KALRN: variants seen among roughly 807,000 people sequenced by gnomAD.
The protein encoded by KALRN is kalirin.
In KALRN, 70 loss-of-function variants were observed where a neutral mutation model predicts 353.7. The ratio of observed to expected loss-of-function variants is 0.20; its 90% confidence interval spans 0.16 to 0.24. The LOEUF is 0.24. KALRN is among the 10% of genes least tolerant of loss of function. The pLI is 1.00. For missense variants in KALRN, 2,791 were observed against 3,756.7 expected (o/e 0.74, Z 6.72); for synonymous variants, 1,391 against 1,434.8 (o/e 0.97, Z 0.69).
chr3:124,664,360 TGTGTGTGTGTGCGCGC>T, intron 45 of KALRN, among the ~76,000 whole-genome samples: 2 of 123,908 alleles, frequency 1.6e-5, no homozygotes, highest in Middle Eastern at 8.3e-3. Flanking sequence ...TGTGTGTGTG[TGTGTGTGTGTGCGCGC>T]GCGCGCATAT....
chr3:124,297,695 G>T (rs776330877), intron 5 of KALRN, among the ~76,000 whole-genome samples: 3 of 152,240 alleles, frequency 2.0e-5, no homozygotes, highest in Non-Finnish European at 4.4e-5. Flanking sequence ...GAATATTACA[G>T]AAAGTCCAAC....
intron 5 of KALRN, among the ~76,000 whole-genome samples, chr3:124,278,328 G>T (rs192715212): frequency 6.6e-6 from 1 of 152,224 alleles, no homozygotes; most frequent in East Asian, 1.9e-4. Context: ...GGTGGGGTGA[G>T]TGTCTTAGTA....
chr3:124,654,069 A>G (rs1354355633), intron 38 of KALRN, among the ~76,000 whole-genome samples: 2 of 152,242 alleles, frequency 1.3e-5, no homozygotes, highest in Non-Finnish European at 2.9e-5. Context: ...GCCTGGAGAC[A>G]GAGAGCTGGA....
At chr3:124,569,268 T>G (rs1048194521) in intron 34 of KALRN, among the ~76,000 whole-genome samples, 20 of 152,198 alleles carry the variant, frequency 1.3e-4, no homozygotes, top group Non-Finnish European at 1.5e-4. Context: ...GAAGGCCTCC[T>G]GATGATTTCT....
chr3:124,669,805 T>G (rs2086157143), intron 47 of KALRN, among the ~76,000 whole-genome samples: 1 of 152,220 alleles, frequency 6.6e-6, no homozygotes, highest in Admixed American at 6.5e-5. Context: ...TACATCATCC[T>G]GTACTTTAAA....
chr3:124,510,650 G>C (rs1260123507), intron 33 of KALRN, among the ~76,000 whole-genome samples: 1 of 151,950 alleles, frequency 6.6e-6, no homozygotes, highest in South Asian at 2.1e-4. Flanking sequence ...ACAAGTTCTG[G>C]ATCTCCTTCT....
chr3:124,327,664 T>C (rs2080064071), intron 7 of KALRN, among the ~76,000 whole-genome samples: 1 of 152,222 alleles, frequency 6.6e-6, no homozygotes. Context: ...ACACAATCTA[T>C]GAGTAGATAG....
At chr3:124,222,488 A>G (rs182763067) in intron 1 of KALRN, among the ~76,000 whole-genome samples, 222 of 152,340 alleles carry the variant, frequency 1.5e-3, no homozygotes, top group African/African-American at 5.1e-3. Flanking sequence ...GCCAGGCTAC[A>G]GCATGCTTTT....
chr3:124,086,362 G>A (rs1290623898), intron 1 of KALRN, among the ~76,000 whole-genome samples: 2 of 136,358 alleles, frequency 1.5e-5, no homozygotes, highest in African/African-American at 5.4e-5. Context: ...TGTTTTTGCT[G>A]GGGGAAATCT....
At chr3:124,141,622 C>T (rs1290217087) in intron 1 of KALRN, among the ~76,000 whole-genome samples, 1 of 152,184 alleles carries the variant, frequency 6.6e-6, no homozygotes, top group Non-Finnish European at 1.5e-5. Context: ...TTAATTTTCA[C>T]ATTTTATCTC....
rs773582380 is a variant in KALRN at position 124,325,974 on chromosome 3, T to G, written c.1093-6T>G. On this transcript the variant is annotated splice_region_variant and splice_polypyrimidine_tract_variant and intron_variant, in intron 6 of 59. Coordinates refer to ENST00000682506, the MANE Select transcript of KALRN (RefSeq NM_001388419.1). ...GCCCCACTGAGCACTCTCCTTTTCT[T>G]TCCAGAATGCCTATGTCAACATCAA... 4 of 1,610,644 alleles carry G rather than the reference T, an allele frequency of 2.5e-6. No homozygotes were observed. Among genetic ancestry groups the G allele is most frequent in the Non-Finnish European group, 3.4e-6 (4 of 1,177,956 alleles).
At chr3:124,639,963 TG>T (rs1272456214) in intron 37 of KALRN, among the ~76,000 whole-genome samples, 1 of 152,200 alleles carries the variant, frequency 6.6e-6, no homozygotes, top group Admixed American at 6.5e-5. Flanking sequence ...TTCCCACATG[TG>T]GTAGCAATGT....
intron 34 of KALRN, among the ~76,000 whole-genome samples, chr3:124,582,773 G>GT (rs1561337411): frequency 6.5e-5 from 9 of 139,442 alleles, no homozygotes; most frequent in East Asian, 2.3e-4. Context: ...TTTTTTGGGG[G>GT]GGTTGAGCTG....
rs1052580187 is a variant in KALRN, at chr3:124,268,982, C to T, written c.696C>T (p.His232=). ...VEGSRRLIDE[H]TQLKKKVLKA... is the part of the protein sequence containing the mutation. Reference sequence around the variant, plus strand: ...GCTCTCGGCGGCTCATTGACGAACACACACAGCTCAAGAAAAAGGTGCTGA... The same window carrying T: ...GCTCTCGGCGGCTCATTGACGAACATACACAGCTCAAGAAAAAGGTGCTGA... Residue 232 remains histidine (H), a synonymous_variant, in exon 5 of 60, where the codon CAC becomes CAT. Coordinates refer to ENST00000682506, the MANE Select transcript of KALRN (RefSeq NM_001388419.1). 6.2e-7 allele frequency: 1 copy of T among 1,614,120 alleles called. No homozygotes were observed. The highest frequency in any genetic ancestry group is 1.7e-5 in the Admixed American group (1 of 60,030).
chr3:124,364,843 T>C (rs1480026858), intron 10 of KALRN, among the ~76,000 whole-genome samples: 1 of 152,228 alleles, frequency 6.6e-6, no homozygotes, highest in Non-Finnish European at 1.5e-5. Flanking sequence ...ACAGCTGTTC[T>C]GCCTGGAGAG....
At chr3:124,285,617 C>G (rs1325988110) in intron 5 of KALRN, among the ~76,000 whole-genome samples, 2 of 152,158 alleles carry the variant, frequency 1.3e-5, no homozygotes, top group Non-Finnish European at 2.9e-5. Context: ...CTCACTGCAA[C>G]CTCTGCCTCC....
chr3:124,366,033 G>A (rs1281729330), intron 10 of KALRN, among the ~76,000 whole-genome samples: 1 of 152,122 alleles, frequency 6.6e-6, no homozygotes, highest in East Asian at 1.9e-4. Flanking sequence ...CTTCATAGGT[G>A]ATCATTTTTA....
intron 4 of KALRN, among the ~76,000 whole-genome samples, chr3:124,265,425 T>G (rs2073407647): frequency 6.6e-6 from 1 of 150,852 alleles, no homozygotes; most frequent in African/African-American, 2.4e-5. Context: ...CCTGAGCAGC[T>G]GGGACTACAG....
intron 27 of KALRN, among the ~76,000 whole-genome samples, chr3:124,479,512 T>G (rs2053811691): frequency 6.6e-6 from 1 of 152,178 alleles, no homozygotes; most frequent in Admixed American, 6.5e-5. Flanking sequence ...TTCAAAACTT[T>G]CCAAAAGGCA....
Sources: gnomAD v4.1 joint callset for allele counts (sites outside exome capture counted in the v4.1 genomes callset) on GRCh38, gnomAD v4.1.1 for gene constraint, MANE v1.5 for transcripts, NCBI Gene and HGNC (gene_info 2026-07-23, HGNC 2026-07-21) for gene names.